NRG4: variants seen among roughly 807,000 people sequenced by gnomAD.
NRG4 encodes the protein neuregulin 4, also known as pro-neuregulin-4, membrane-bound isoform.
A neutral mutation model predicts 15.0 loss-of-function variants in NRG4; 10 were observed. That is an observed-to-expected ratio of 0.67 (90% CI 0.41 to 1.13). NRG4 has a LOEUF of 1.13. NRG4 is among the 50% of genes most tolerant of loss of function. The probability of loss-of-function intolerance (pLI) is 0.00; values close to 1 mark genes in which losing one functional copy is unlikely to be tolerated. For missense variants in NRG4, 139 were observed against 140.2 expected (o/e 0.99, Z 0.04); for synonymous variants, 41 against 50.1 (o/e 0.82, Z 0.77).
At chr15:76,032,413 T>C (rs1352197106) in intron 5 of NRG4, among the ~76,000 whole-genome samples, 2 of 152,138 alleles carry the variant, frequency 1.3e-5, no homozygotes, top group African/African-American at 4.8e-5. Flanking sequence ...AACAGAATAT[T>C]CAGTGTCAGG....
At chr15:76,000,891 C>G (rs1649346840) in intron 3 of NRG4, among the ~76,000 whole-genome samples, 1 of 152,028 alleles carries the variant, frequency 6.6e-6, no homozygotes, top group African/African-American at 2.4e-5. Context: ...GAGCAGATAT[C>G]CAGGATATAT....
chr15:76,049,568 C>T (rs1443489985), intron 4 of NRG4, among the ~76,000 whole-genome samples: 1 of 150,912 alleles, frequency 6.6e-6, no homozygotes, highest in Non-Finnish European at 1.5e-5. Context: ...CCTTTTTACC[C>T]TCAATTTATT....
chr15:76,020,456 T>C (rs1478704790), intron 5 of NRG4, among the ~76,000 whole-genome samples: 3 of 152,138 alleles, frequency 2.0e-5, no homozygotes, highest in East Asian at 1.9e-4. Context: ...ATGGAGAAAG[T>C]TTTAGTGATC....
intron 1 of NRG4, among the ~76,000 whole-genome samples, chr15:76,059,415 G>C (rs1407409356): frequency 6.6e-6 from 1 of 152,152 alleles, no homozygotes; most frequent in African/African-American, 2.4e-5. Flanking sequence ...CGGATGAAAC[G>C]GAGCAACTGG....
intron 3 of NRG4, among the ~76,000 whole-genome samples, chr15:75,981,136 T>C (rs2141851692): frequency 6.6e-6 from 1 of 152,338 alleles, no homozygotes; most frequent in Admixed American, 6.5e-5. Context: ...TATGACTTGC[T>C]TTGACAAGGA....
chr15:75,951,803 T>C (rs1595946486), intron 5 of NRG4, among the ~76,000 whole-genome samples: 1 of 152,230 alleles, frequency 6.6e-6, no homozygotes, highest in Non-Finnish European at 1.5e-5. Flanking sequence ...TATGTTGTTA[T>C]GATATTTCAT....
At chr15:75,970,834 G>A (rs1044388091) in intron 3 of NRG4, among the ~76,000 whole-genome samples, 139 of 152,308 alleles carry the variant, frequency 9.1e-4, no homozygotes, top group African/African-American at 3.2e-3. Flanking sequence ...GTAAGTTCCA[G>A]CTGAAATGTT....
intron 3 of NRG4, among the ~76,000 whole-genome samples, chr15:75,966,044 A>G (rs1428143035): frequency 1.3e-5 from 2 of 152,158 alleles, no homozygotes; most frequent in Non-Finnish European, 2.9e-5. Context: ...AGGTACAAAT[A>G]CTCCACTAGG....
At chr15:75,987,771 G>A (rs899707837) in intron 3 of NRG4, among the ~76,000 whole-genome samples, 1 of 152,182 alleles carries the variant, frequency 6.6e-6, no homozygotes, top group Non-Finnish European at 1.5e-5. Context: ...AGCACTCTAA[G>A]ACCTGTTGCC....
intron 3 of NRG4, among the ~76,000 whole-genome samples, chr15:75,986,998 A>C (rs184752835): frequency 9.8e-5 from 15 of 152,310 alleles, no homozygotes; most frequent in African/African-American, 3.4e-4. Context: ...AAACAGGGAG[A>C]TCTCTAGAGC....
intron 3 of NRG4, among the ~76,000 whole-genome samples, chr15:75,968,518 C>A (rs1045997122): frequency 1.3e-5 from 2 of 148,552 alleles, no homozygotes; most frequent in Non-Finnish European, 1.5e-5. Context: ...ACCCAGGAGG[C>A]AGAGGTTGCA....
At chr15:76,023,927 C>T (rs1352912785) in intron 5 of NRG4, among the ~76,000 whole-genome samples, 5 of 152,192 alleles carry the variant, frequency 3.3e-5, no homozygotes, top group Admixed American at 1.3e-4. Context: ...TGAAAGGACT[C>T]GGGGCTACCA....
At chr15:76,050,261 A>G (rs1249300860) in intron 4 of NRG4, among the ~76,000 whole-genome samples, 4 of 150,772 alleles carry the variant, frequency 2.7e-5, no homozygotes, top group Non-Finnish European at 4.4e-5. Flanking sequence ...GGATTCTACA[A>G]TTTCCCAAAG....
intron 1 of NRG4, among the ~76,000 whole-genome samples, chr15:76,058,846 A>C (rs1333469284): frequency 6.6e-6 from 1 of 152,252 alleles, no homozygotes; most frequent in Non-Finnish European, 1.5e-5. Flanking sequence ...GAAGCTGCTT[A>C]AATGGCCGTA....
chr15:75,963,581 C>T (rs1164510862), intron 3 of NRG4, among the ~76,000 whole-genome samples: 1 of 152,036 alleles, frequency 6.6e-6, no homozygotes, highest in African/African-American at 2.4e-5. Context: ...ATATTGAGAC[C>T]ATCCTGGCCA....
chr15:76,000,931 C>G (rs11072565), intron 3 of NRG4, among the ~76,000 whole-genome samples: 2,129 of 152,212 alleles, frequency 0.014, 35 homozygotes, highest in Non-Finnish European at 0.017. Context: ...CAGGATAGTA[C>G]ATATAGCAAT....
At chr15:76,042,730 A>T (rs1390931409) in intron 4 of NRG4, among the ~76,000 whole-genome samples, 1 of 152,132 alleles carries the variant, frequency 6.6e-6, no homozygotes, top group Non-Finnish European at 1.5e-5. Flanking sequence ...TCAAACATTT[A>T]AAAAAGAACT....
At chr15:76,030,896 C>T (rs1366731620) in intron 5 of NRG4, among the ~76,000 whole-genome samples, 2 of 152,106 alleles carry the variant, frequency 1.3e-5, no homozygotes, top group African/African-American at 4.8e-5. Context: ...CTGAAGCCAA[C>T]ATAACCTTGA....
chr15:75,969,371 C>T, intron 3 of NRG4: 3 of 354,492 alleles, frequency 8.5e-6, no homozygotes, highest in Non-Finnish European at 1.7e-5. Context: ...ATGATAAAGA[C>T]AGTAATCAAA....
Sources: allele counts gnomAD v4.1 joint callset (sites outside exome capture counted in the v4.1 genomes callset), GRCh38; gene constraint gnomAD v4.1.1; transcripts MANE v1.5; gene names NCBI Gene and HGNC (gene_info 2026-07-23, HGNC 2026-07-21).